The following PCDH15 variants were observed in gnomAD, a reference collection of about 807,000 sequenced individuals.
PCDH15 encodes protocadherin-15.
In PCDH15, 129 loss-of-function variants were observed where a neutral mutation model predicts 178.5. The observed-to-expected ratio is 0.72, with a 90% CI of 0.63 to 0.84. The LOEUF (loss-of-function observed/expected upper bound fraction) is 0.84. PCDH15 is among the 40% of genes least tolerant of loss of function. The probability of loss-of-function intolerance (pLI) is 0.00; values close to 1 mark genes in which losing one functional copy is unlikely to be tolerated. For missense variants in PCDH15, 2,230 were observed against 2,099.9 expected (o/e 1.06, Z -1.21); for synonymous variants, 800 against 732.0 (o/e 1.09, Z -1.50).
chr10:54,716,409 ATTTG>A (rs1390193395), intron 1 of PCDH15, among the ~76,000 whole-genome samples: 1 of 152,108 alleles, frequency 6.6e-6, no homozygotes, highest in Non-Finnish European at 1.5e-5. Flanking sequence ...ATGTTCTTCC[ATTTG>A]TTTGTATCCT....
At chr10:54,391,639 A>G (rs768837510) in intron 3 of PCDH15, among the ~76,000 whole-genome samples, 5 of 151,938 alleles carry the variant, frequency 3.3e-5, no homozygotes, top group Non-Finnish European at 5.9e-5. Context: ...AACATGAGCC[A>G]TGTTTAGAAA....
chr10:54,456,544 A>C (rs1397763731), intron 3 of PCDH15, among the ~76,000 whole-genome samples: 1 of 152,182 alleles, frequency 6.6e-6, no homozygotes, highest in Non-Finnish European at 1.5e-5. Flanking sequence ...AGGCAGAAGA[A>C]ACTTGCCTTG....
At chr10:54,574,755 G>A (rs61853646) in intron 2 of PCDH15, among the ~76,000 whole-genome samples, 29 of 150,106 alleles carry the variant, frequency 1.9e-4, no homozygotes, top group Admixed American at 4.0e-4. Context: ...TTCCTCAGGG[G>A]TCTAGAACTA....
intron 9 of PCDH15, among the ~76,000 whole-genome samples, chr10:54,214,526 T>G (rs2051792313): frequency 6.6e-6 from 1 of 152,220 alleles, no homozygotes; most frequent in Admixed American, 6.5e-5. Flanking sequence ...ATCAAGCTAA[T>G]AATGTTAATC....
chr10:54,334,240 A>G (rs1160618), intron 6 of PCDH15, among the ~76,000 whole-genome samples: 102,793 of 152,014 alleles, frequency 0.68, 35,485 homozygotes, highest in Middle Eastern at 0.82. Context: ...TTAGTAAAAT[A>G]AGGGCATAAG....
rs1444498083 is a variant in PCDH15 at position 54,534,580 on chromosome 10, T to C, written c.92-6703A>G. ...CTCTATTCCTGCCAACATTTCTCTA[T>C]TATCTGTTTCGTTATTCAGAGTAAT... is the stretch of plus-strand genomic sequence containing the variant. On this transcript the variant is annotated intron_variant, in intron 2 of 37. Transcript: ENST00000644397. 3.9e-5 allele frequency among the ~76,000 whole-genome samples: 6 copies of C among 152,322 alleles called. No homozygotes were observed. The East Asian group carries it at 1.2e-3, about 29-fold the overall frequency.
intron 2 of PCDH15, among the ~76,000 whole-genome samples, chr10:54,605,069 T>C (rs1218377101): frequency 6.6e-6 from 1 of 151,906 alleles, no homozygotes; most frequent in Non-Finnish European, 1.5e-5. Context: ...ATTATTGATA[T>C]CAGAATTTAC....
chr10:53,824,483 A>G (rs1935915), intron 32 of PCDH15, among the ~76,000 whole-genome samples: 58,093 of 151,992 alleles, frequency 0.38, 12,003 homozygotes, highest in East Asian at 0.74. Context: ...TTAGGCAACA[A>G]AATAATAAAG....
chr10:53,959,753 C>T lies in PCDH15; in HGVS notation c.3101G>A (p.Arg1034His), dbSNP rs907693214. ...ILVLHPGEIPRFTQEEYRPPP... is the reference protein window; with the variant it reads ...ILVLHPGEIPHFTQEEYRPPP... ...ATACCTATATTCCTCCTGTGTGAAG[C>T]GTGGGATCTCACCAGGATGTAAGAC... The change falls in exon 23 of 38, where the codon CGC becomes CAC. Residue 1034 changes from arginine to histidine, a missense_variant. Transcript: ENST00000644397. 34 of 1,613,224 alleles carry T rather than the reference C, an allele frequency of 2.1e-5. No individual in the cohort carries two copies. The Middle Eastern group carries it at 4.9e-4, about 23-fold the overall frequency.
rs1794436445 is a variant in PCDH15, at chr10:54,626,111, T to G, written c.91+38061A>C. 2.6e-5 allele frequency among the ~76,000 whole-genome samples: 4 copies of G among 152,124 alleles called. No individual in the cohort carries two copies. The South Asian group carries it at 8.3e-4, about 32-fold the overall frequency. ...GATGATTTAGGGATATGTGGCAAAA[T>G]AAATTTCTAAGCAGCAAAGCATTTA... On this transcript the variant is annotated intron_variant, in intron 2 of 37. Coordinates refer to ENST00000644397, the MANE Select transcript of PCDH15 (RefSeq NM_001384140.1).
At position 53,995,760 on chromosome 10, in the gene PCDH15, C is replaced by A. The variant is rs377014812; in HGVS notation, c.2757G>T (p.Met919Ile). ...TACTAAAGACAGGAGGATAATCATTCATATCCTGTAAAACACAATTAGGAG... is the reference window on the plus strand; with the variant it reads ...TACTAAAGACAGGAGGATAATCATTAATATCCTGTAAAACACAATTAGGAG... Reference protein sequence around the residue: ...IATVTVIVKDMNDYPPVFSKR... With the variant: ...IATVTVIVKDINDYPPVFSKR... The change falls in exon 21 of 38, where the codon ATG (methionine) becomes ATT (isoleucine). Residue 919 changes from methionine (M) to isoleucine (I), a missense_variant. Met to Ile is a conservative substitution (Grantham distance 10, BLOSUM62 1). Transcript: ENST00000644397. The A allele has an allele frequency of 4.3e-5, 70 of 1,613,066 alleles. No homozygotes were observed. Among genetic ancestry groups the A allele is most frequent in the Non-Finnish European group, 5.3e-5 (62 of 1,179,258 alleles).
At chr10:54,564,726 T>C (rs1388435570) in intron 2 of PCDH15, among the ~76,000 whole-genome samples, 1 of 152,114 alleles carries the variant, frequency 6.6e-6, no homozygotes, top group East Asian at 1.9e-4. Flanking sequence ...AATAAATATG[T>C]CTTTGTTATC....
chr10:53,945,449 T>C (rs558432892), intron 23 of PCDH15, among the ~76,000 whole-genome samples: 1 of 80,042 alleles, frequency 1.2e-5, no homozygotes, highest in East Asian at 8.3e-4. Flanking sequence ...CCCTTAGCAA[T>C]GTACAATATT....
intron 1 of PCDH15, among the ~76,000 whole-genome samples, chr10:55,262,116 A>AT (rs1842161520): frequency 6.8e-6 from 1 of 146,438 alleles, no homozygotes; most frequent in Non-Finnish European, 1.5e-5. Context: ...AGAGAAATAA[A>AT]AAAGAAAAGA....
At chr10:54,719,684 C>A (rs1941236935) in intron 1 of PCDH15, among the ~76,000 whole-genome samples, 1 of 152,018 alleles carries the variant, frequency 6.6e-6, no homozygotes, top group African/African-American at 2.4e-5. Flanking sequence ...CCTCAGCCGC[C>A]ACCCCCCGAC....
chr10:54,071,835 GTGCAA>G (rs1478091757), intron 17 of PCDH15, among the ~76,000 whole-genome samples: 1 of 151,896 alleles, frequency 6.6e-6, no homozygotes, highest in Non-Finnish European at 1.5e-5. Flanking sequence ...AATTTCAAAG[GTGCAA>G]TTTCTTTTCT....
At chr10:54,515,329 C>T (rs1006682323) in intron 3 of PCDH15, among the ~76,000 whole-genome samples, 1 of 152,236 alleles carries the variant, frequency 6.6e-6, no homozygotes, top group African/African-American at 2.4e-5. Context: ...GAGATTATAT[C>T]CCGCACATGG....
chr10:54,043,810 A>C (rs2093601441), intron 18 of PCDH15, among the ~76,000 whole-genome samples: 1 of 152,088 alleles, frequency 6.6e-6, no homozygotes, highest in African/African-American at 2.4e-5. Flanking sequence ...AAACATACTG[A>C]TTCTCTGGAA....
intron 2 of PCDH15, among the ~76,000 whole-genome samples, chr10:54,936,704 C>T (rs1837915682): frequency 6.7e-6 from 1 of 148,608 alleles, no homozygotes; most frequent in Non-Finnish European, 1.5e-5. Flanking sequence ...TACTTTTTTG[C>T]ACATTTTTAT....
Sources: allele counts gnomAD v4.1 joint callset (sites outside exome capture counted in the v4.1 genomes callset), GRCh38; gene constraint gnomAD v4.1.1; transcripts MANE v1.5; gene names NCBI Gene and HGNC (gene_info 2026-07-23, HGNC 2026-07-21).